The following LRFN5 variants were observed in gnomAD, a reference collection of about 807,000 sequenced individuals.
LRFN5 encodes the protein leucine rich repeat and fibronectin type III domain containing 5, also known as leucine-rich repeat and fibronectin type-III domain-containing protein 5.
LRFN5 carries 24 observed loss-of-function variants against 45.6 expected under a neutral mutation model. That is an observed-to-expected ratio of 0.53 (90% CI 0.38 to 0.74). The LOEUF is 0.74. Ranked by LOEUF, LRFN5 falls within the 30% of genes least tolerant of loss-of-function variation. The pLI, the probability that LRFN5 is intolerant of heterozygous loss-of-function variation, is 0.00. For missense variants in LRFN5, 776 were observed against 861.5 expected (o/e 0.90, Z 1.24); for synonymous variants, 340 against 313.8 (o/e 1.08, Z -0.88).
At chr14:41,638,719 A>T (rs2138592948) in intron 1 of LRFN5, among the ~76,000 whole-genome samples, 1 of 152,198 alleles carries the variant, frequency 6.6e-6, no homozygotes, top group South Asian at 2.1e-4. Context: ...AATTAATGTA[A>T]CCTAATATGA....
At chr14:41,834,261 T>G (rs2139039257) in intron 2 of LRFN5, among the ~76,000 whole-genome samples, 1 of 152,342 alleles carries the variant, frequency 6.6e-6, no homozygotes, top group East Asian at 1.9e-4. Flanking sequence ...CTTAAATATC[T>G]TTTGCAAAGT....
chr14:41,751,412 T>A (rs562673759), intron 1 of LRFN5, among the ~76,000 whole-genome samples: 31 of 152,242 alleles, frequency 2.0e-4, no homozygotes, highest in African/African-American at 7.0e-4. Context: ...GAAATTATAA[T>A]CCTTCCACAT....
intron 1 of LRFN5, among the ~76,000 whole-genome samples, chr14:41,631,949 C>G (rs1173987104): frequency 6.6e-6 from 1 of 152,004 alleles, no homozygotes; most frequent in Non-Finnish European, 1.5e-5. Context: ...AGAGGCATGA[C>G]CTGAAATGGC....
intron 1 of LRFN5, among the ~76,000 whole-genome samples, chr14:41,621,616 G>T (rs1405062146): frequency 6.6e-6 from 1 of 152,006 alleles, no homozygotes. Context: ...GAATATTTTT[G>T]GTTTCAGCAT....
chr14:41,901,534 T>C (rs1891101973), intron 5 of LRFN5, among the ~76,000 whole-genome samples: 1 of 152,040 alleles, frequency 6.6e-6, no homozygotes, highest in Non-Finnish European at 1.5e-5. Context: ...AATTGCTTCT[T>C]GATTTTAATA....
intron 1 of LRFN5, among the ~76,000 whole-genome samples, chr14:41,749,161 C>T (rs1885032413): frequency 6.6e-6 from 1 of 152,088 alleles, no homozygotes; most frequent in Admixed American, 6.6e-5. Flanking sequence ...TTAAAGGCCT[C>T]ACCTCTTAAT....
chr14:41,719,163 T>G (rs1566635286), intron 1 of LRFN5, among the ~76,000 whole-genome samples: 1 of 152,262 alleles, frequency 6.6e-6, no homozygotes. Context: ...AGAGACCTCA[T>G]ATAAAGGAAT....
chr14:41,799,258 T>G (rs931399565), intron 2 of LRFN5, among the ~76,000 whole-genome samples: 4 of 151,984 alleles, frequency 2.6e-5, no homozygotes, highest in Middle Eastern at 3.2e-3. Flanking sequence ...AAAAGTCTGC[T>G]CTAATTTTTC....
chr14:41,850,405 C>T (rs958285912), intron 2 of LRFN5, among the ~76,000 whole-genome samples: 1 of 151,656 alleles, frequency 6.6e-6, no homozygotes, highest in Non-Finnish European at 1.5e-5. Context: ...ATAACTTCTG[C>T]ATCTAAGAAA....
chr14:41,809,385 AT>A (rs886972304), intron 2 of LRFN5, among the ~76,000 whole-genome samples: 5 of 151,808 alleles, frequency 3.3e-5, no homozygotes, highest in Admixed American at 2.0e-4. Flanking sequence ...AAACTCTTTT[AT>A]TTTTTTTAAT....
chr14:41,748,328 T>C (rs1885001995), intron 1 of LRFN5, among the ~76,000 whole-genome samples: 1 of 152,060 alleles, frequency 6.6e-6, no homozygotes, highest in Non-Finnish European at 1.5e-5. Context: ...CAATGGAATA[T>C]TAGCCTCATA....
chr14:41,804,402 A>G (rs1887447852), intron 2 of LRFN5, among the ~76,000 whole-genome samples: 1 of 152,132 alleles, frequency 6.6e-6, no homozygotes. Context: ...GCCTGAAAAG[A>G]CATCTCAAAG....
At chr14:41,781,607 A>G (rs1002982513) in intron 2 of LRFN5, among the ~76,000 whole-genome samples, 8 of 94,676 alleles carry the variant, frequency 8.4e-5, no homozygotes, top group African/African-American at 4.2e-4. Context: ...AAAGAAAGAA[A>G]GAAAGAAAGA....
intron 2 of LRFN5, among the ~76,000 whole-genome samples, chr14:41,834,062 T>A (rs1309433545): frequency 6.6e-6 from 1 of 152,148 alleles, no homozygotes; most frequent in African/African-American, 2.4e-5. Context: ...AGAGAACATT[T>A]TTATTTGTGT....
chr14:41,862,058 C>G (rs1889683415), intron 2 of LRFN5, among the ~76,000 whole-genome samples: 1 of 152,206 alleles, frequency 6.6e-6, no homozygotes, highest in Non-Finnish European at 1.5e-5. Flanking sequence ...CTCACCTTCT[C>G]TCTCCTATTG....
intron 1 of LRFN5, among the ~76,000 whole-genome samples, chr14:41,653,733 ATAGG>A (rs1373770646): frequency 1.3e-5 from 2 of 152,118 alleles, no homozygotes; most frequent in Non-Finnish European, 2.9e-5. Context: ...AGGATGGGAG[ATAGG>A]TAGACCACTG....
At chr14:41,674,810 G>A (rs1293606322) in intron 1 of LRFN5, among the ~76,000 whole-genome samples, 3 of 151,248 alleles carry the variant, frequency 2.0e-5, no homozygotes, top group Non-Finnish European at 4.4e-5. Flanking sequence ...CTCAGAGGGG[G>A]CGGCTGCCGG....
chr14:41,871,265 G>C (rs940416414), intron 2 of LRFN5, among the ~76,000 whole-genome samples: 2 of 151,754 alleles, frequency 1.3e-5, no homozygotes, highest in African/African-American at 4.8e-5. Flanking sequence ...TTATTATTTT[G>C]TGTAATAACA....
chr14:41,616,561 A>G (rs919161702), intron 1 of LRFN5, among the ~76,000 whole-genome samples: 1 of 152,152 alleles, frequency 6.6e-6, no homozygotes, highest in Admixed American at 6.6e-5. Context: ...TTAAGCTCCT[A>G]GCAGTTTTTC....
Sources: gnomAD v4.1 joint callset for allele counts (sites outside exome capture counted in the v4.1 genomes callset) on GRCh38, gnomAD v4.1.1 for gene constraint, MANE v1.5 for transcripts, NCBI Gene and HGNC (gene_info 2026-07-23, HGNC 2026-07-21) for gene names.